COL24A1: variants seen among roughly 807,000 people sequenced by gnomAD.
COL24A1 encodes collagen type XXIV alpha 1 chain.
Under a neutral mutation model 253.9 loss-of-function variants are expected in COL24A1, and 224 were observed. That is an observed-to-expected ratio of 0.88 (90% confidence interval 0.79 to 0.99). COL24A1 has a LOEUF of 0.99. COL24A1 is among the 50% of genes least tolerant of loss of function. The pLI, the probability that COL24A1 is intolerant of heterozygous loss-of-function variation, is 0.00. For missense variants in COL24A1, 2,131 were observed against 2,068.5 expected, an observed-to-expected ratio of 1.03 and a Z score of -0.59; for synonymous variants, 685 against 673.7, an observed-to-expected ratio of 1.02 and a Z score of -0.26.
chr1:85,947,923 T>C (rs1290797423), intron 24 of COL24A1, among the ~76,000 whole-genome samples: 1 of 152,146 alleles, frequency 6.6e-6, no homozygotes, highest in Admixed American at 6.6e-5. Context: ...TTTCATTATG[T>C]TTTCCCCTCA....
At chr1:85,765,084 A>T (rs1465238561) in intron 53 of COL24A1, among the ~76,000 whole-genome samples, 1 of 152,214 alleles carries the variant, frequency 6.6e-6, no homozygotes, top group Non-Finnish European at 1.5e-5. Flanking sequence ...ATACATACAT[A>T]TATATGCTTT....
intron 53 of COL24A1, among the ~76,000 whole-genome samples, chr1:85,770,081 T>C (rs996568142): frequency 1.3e-5 from 2 of 152,146 alleles, no homozygotes; most frequent in Non-Finnish European, 2.9e-5. Context: ...CTTCCCTCTT[T>C]CACTCTTCCT....
intron 35 of COL24A1, among the ~76,000 whole-genome samples, chr1:85,871,749 G>A (rs1680524414): frequency 2.0e-5 from 3 of 152,102 alleles, no homozygotes; most frequent in African/African-American, 7.2e-5. Context: ...CATACTGAAT[G>A]GGCAAAAAAC....
intron 12 of COL24A1, among the ~76,000 whole-genome samples, chr1:86,046,208 A>T (rs1699887962): frequency 6.6e-6 from 1 of 152,146 alleles, no homozygotes; most frequent in African/African-American, 2.4e-5. Context: ...GTTGTAATGA[A>T]AATCTCACTT....
At chr1:86,062,163 T>C (rs1701138299) in intron 8 of COL24A1, among the ~76,000 whole-genome samples, 1 of 152,074 alleles carries the variant, frequency 6.6e-6, no homozygotes, top group African/African-American at 2.4e-5. Flanking sequence ...AATAGTAATA[T>C]AGTTTGGCAA....
At chr1:85,816,760 T>C (rs1673079224) in intron 47 of COL24A1, 28 bp downstream of exon 47, 1 of 1,563,038 alleles carries the variant, frequency 6.4e-7, no homozygotes, top group African/African-American at 1.4e-5. Flanking sequence ...TAGGAAATAA[T>C]GAGCAAAGAG....
chr1:86,123,837 A>G (rs1647794692), intron 3 of COL24A1, among the ~76,000 whole-genome samples: 1 of 151,914 alleles, frequency 6.6e-6, no homozygotes, highest in Non-Finnish European at 1.5e-5. Context: ...CTATCAAATC[A>G]CTTCTAGGAA....
At chr1:86,008,993 CGTT>C (rs1449726089) in intron 19 of COL24A1, among the ~76,000 whole-genome samples, 3 of 151,848 alleles carry the variant, frequency 2.0e-5, no homozygotes, top group African/African-American at 4.8e-5. Flanking sequence ...GAAAGACAAC[CGTT>C]GTTGTTGAAA....
chr1:85,732,467 T>C (rs1057001323), intron 59 of COL24A1, among the ~76,000 whole-genome samples: 39 of 152,050 alleles, frequency 2.6e-4, no homozygotes, highest in African/African-American at 8.5e-4. Flanking sequence ...CTGATCTTGT[T>C]ATCTGCCTGC....
chr1:85,923,344 C>A (rs1686765096), intron 24 of COL24A1, among the ~76,000 whole-genome samples: 1 of 152,214 alleles, frequency 6.6e-6, no homozygotes. Flanking sequence ...CAGGACTCTG[C>A]ACCTCAAATT....
At chr1:85,892,409 T>C (rs773324324) in intron 31 of COL24A1, among the ~76,000 whole-genome samples, 15 of 151,988 alleles carry the variant, frequency 9.9e-5, no homozygotes, top group Non-Finnish European at 1.9e-4. Context: ...AATAAAGACA[T>C]TTTATAAACA....
At chr1:85,859,289 G>A (rs540182859) in intron 37 of COL24A1, among the ~76,000 whole-genome samples, 1 of 152,214 alleles carries the variant, frequency 6.6e-6, no homozygotes, top group African/African-American at 2.4e-5. Flanking sequence ...TAGTCTATTA[G>A]GTATTCACTT....
chr1:85,736,447 T>C (rs1331880222), intron 58 of COL24A1: 2 of 456,142 alleles, frequency 4.4e-6, no homozygotes, highest in Non-Finnish European at 8.8e-6. Context: ...AGGATGATGA[T>C]GTGGATATTT....
chr1:86,052,558 T>A (rs1379612669), intron 10 of COL24A1, among the ~76,000 whole-genome samples: 1 of 152,002 alleles, frequency 6.6e-6, no homozygotes, highest in African/African-American at 2.4e-5. Context: ...GAAAGTAGAA[T>A]GGTGGTTGCC....
chr1:85,880,876 ACTG>A (rs1360893827), intron 32 of COL24A1, among the ~76,000 whole-genome samples: 3 of 152,174 alleles, frequency 2.0e-5, no homozygotes, highest in South Asian at 2.1e-4. Context: ...AAAAAATTCC[ACTG>A]GGTTATGATG....
At chr1:85,822,144 T>C (rs1673693186) in intron 45 of COL24A1, among the ~76,000 whole-genome samples, 1 of 152,164 alleles carries the variant, frequency 6.6e-6, no homozygotes, top group Admixed American at 6.6e-5. Context: ...TATTTATTAA[T>C]ATTATTTATT....
In COL24A1 at chr1:86,040,688, C is replaced by T. The variant is rs77696384; in HGVS notation, c.1950+6137G>A. ...TCAAAGTCCTGAAATCTTCCATACACCCTGTCATACTACAGTTAGCCAAAT... is the reference window on the plus strand; with the variant it reads ...TCAAAGTCCTGAAATCTTCCATACATCCTGTCATACTACAGTTAGCCAAAT... On this transcript the variant is annotated intron_variant, in intron 12 of 59. Coordinates refer to ENST00000370571, the MANE Select transcript of COL24A1 (RefSeq NM_152890.7). Among the ~76,000 whole-genome samples the T allele has an allele frequency of 2.4e-3, 372 of 152,142 alleles. 10 individuals carry two copies. In the East Asian group the frequency reaches 0.046, roughly 19 times the overall value.
intron 39 of COL24A1, among the ~76,000 whole-genome samples, chr1:85,847,109 A>G (rs142314284): frequency 2.6e-5 from 4 of 152,328 alleles, no homozygotes; most frequent in African/African-American, 9.6e-5. Flanking sequence ...TACATTCGCA[A>G]TATAATTTTC....
chr1:85,888,198 C>T (rs111319763), intron 32 of COL24A1, among the ~76,000 whole-genome samples: 15 of 152,132 alleles, frequency 9.9e-5, no homozygotes, highest in African/African-American at 3.1e-4. Context: ...AAGGTCCTGC[C>T]ATTTTTTATC....
Sources: gnomAD v4.1 joint callset for allele counts (sites outside exome capture counted in the v4.1 genomes callset) on GRCh38, gnomAD v4.1.1 for gene constraint, MANE v1.5 for transcripts, NCBI Gene and HGNC (gene_info 2026-07-23, HGNC 2026-07-21) for gene names.